The following JAZF1 variants were observed in gnomAD, a reference collection of about 807,000 sequenced individuals.
The protein encoded by JAZF1 is juxtaposed with another zinc finger protein 1.
In JAZF1, 8 loss-of-function variants were observed where a neutral mutation model predicts 26.4. That is an observed-to-expected ratio of 0.30 (90% CI 0.18 to 0.55). The LOEUF (loss-of-function observed/expected upper bound fraction) is 0.55. JAZF1 is among the 20% of genes least tolerant of loss of function. The pLI, the probability that JAZF1 is intolerant of heterozygous loss-of-function variation, is 0.94. For synonymous variants in JAZF1, 126 were observed against 122.3 expected (o/e 1.03, Z -0.20); for missense variants, 199 against 322.0 (o/e 0.62, Z 2.92).
intron 2 of JAZF1, chr7:27,913,293 TTGTG>T (rs886782439): frequency 1.7e-5 from 5 of 292,712 alleles, no homozygotes; most frequent in Middle Eastern, 5.2e-4. Flanking sequence ...ATATATATAT[TTGTG>T]TGTGTGTGTG....
chr7:27,909,762 A>C (rs1283868587), intron 2 of JAZF1, among the ~76,000 whole-genome samples: 1 of 152,110 alleles, frequency 6.6e-6, no homozygotes, highest in Non-Finnish European at 1.5e-5. Context: ...AACCGCCACA[A>C]TGTCAATATT....
At chr7:28,136,840 G>A (rs535849738) in intron 1 of JAZF1, among the ~76,000 whole-genome samples, 2 of 152,214 alleles carry the variant, frequency 1.3e-5, no homozygotes, top group African/African-American at 4.8e-5. Flanking sequence ...TTCCAGGAAG[G>A]CTTCCTGAAG....
chr7:28,033,916 G>GT (rs1001949949), intron 1 of JAZF1, among the ~76,000 whole-genome samples: 39 of 152,058 alleles, frequency 2.6e-4, no homozygotes, highest in Non-Finnish European at 4.7e-4. Context: ...TAATTTTTGT[G>GT]TTTTTTTGTA....
chr7:28,178,773 T>G (rs1464015092), intron 1 of JAZF1, among the ~76,000 whole-genome samples: 3 of 152,240 alleles, frequency 2.0e-5, no homozygotes, highest in Non-Finnish European at 4.4e-5. Context: ...TACCAAAACT[T>G]GCCCAGCTCT....
In JAZF1 at chr7:28,089,339, G is replaced by A. The variant is rs900493767; in HGVS notation, c.115+91124C>T. Among the ~76,000 whole-genome samples the A allele has an allele frequency of 2.6e-5, 4 of 152,190 alleles. No homozygotes were observed. The East Asian group carries it at 7.7e-4, about 29-fold the overall frequency. ...ACCACAGCCATCTGCAAACCAGGAA[G>A]AGGGCCTTACCAGACCCAATTATGC... On this transcript the variant is annotated intron_variant, in intron 1 of 4. Coordinates refer to ENST00000283928, the MANE Select transcript of JAZF1 (RefSeq NM_175061.4).
At chr7:28,153,686 C>T (rs1053803332) in intron 1 of JAZF1, among the ~76,000 whole-genome samples, 3 of 152,160 alleles carry the variant, frequency 2.0e-5, no homozygotes, top group African/African-American at 7.2e-5. Flanking sequence ...TTACCAGTCC[C>T]TCTTCTCTTC....
Position 27,992,319 on chromosome 7 carries a change from GTC to G in JAZF1, c.116-340_116-339del. Reference sequence around the variant, plus strand: ...GTGGTTCATCGGCCTAAGAAAGAAAGTCTCTGTTAATTATGCTCACTTCAATG... The same window carrying G: ...GTGGTTCATCGGCCTAAGAAAGAAAGTCTGTTAATTATGCTCACTTCAATG... On this transcript the variant is annotated intron_variant, in intron 1 of 4. Coordinates refer to ENST00000283928, the MANE Select transcript of JAZF1 (RefSeq NM_175061.4). 4.6e-6 allele frequency: 2 copies of G among 430,374 alleles called. 1 individual carries two copies. Among genetic ancestry groups the G allele is most frequent in the South Asian group, 3.6e-5 (2 of 54,966 alleles). The allele number at this position is 430,374 out of a possible 1,614,324, so 26.7% of individuals were successfully genotyped here. A position where few individuals can be genotyped will look rare whatever the true frequency, so the allele number is the denominator to read the frequency against.
chr7:27,982,092 T>C (rs1478845190), intron 2 of JAZF1, among the ~76,000 whole-genome samples: 2 of 152,388 alleles, frequency 1.3e-5, no homozygotes. Context: ...ACTGAGGTAC[T>C]GGGTTCATCT....
intron 2 of JAZF1, among the ~76,000 whole-genome samples, chr7:27,904,559 G>T (rs1251418748): frequency 6.6e-6 from 1 of 152,144 alleles, no homozygotes; most frequent in Non-Finnish European, 1.5e-5. Context: ...TTCTAGTAAT[G>T]CTTTAAATAA....
At chr7:27,833,084 G>A in intron 4 of JAZF1, 108 bp from the exon 5 acceptor site, 1 of 823,298 alleles carries the variant, frequency 1.2e-6, no homozygotes, top group Non-Finnish European at 1.8e-6. Context: ...CAGCTGTTTA[G>A]AGTGTAGTCT....
chr7:28,079,870 A>G (rs1784108393), intron 1 of JAZF1, among the ~76,000 whole-genome samples: 2 of 152,178 alleles, frequency 1.3e-5, no homozygotes, highest in South Asian at 2.1e-4. Context: ...ATCTAGATGC[A>G]TAACTCAGAG....
At chr7:28,158,802 G>A (rs1039416155) in intron 1 of JAZF1, among the ~76,000 whole-genome samples, 5 of 152,166 alleles carry the variant, frequency 3.3e-5, no homozygotes, top group African/African-American at 7.2e-5. Flanking sequence ...TTGCCATTGA[G>A]AATTCAATCT....
chr7:27,881,357 G>A (rs562687758), intron 3 of JAZF1, among the ~76,000 whole-genome samples: 116 of 152,228 alleles, frequency 7.6e-4, no homozygotes, highest in African/African-American at 2.7e-3. Context: ...GTCAAGTTTT[G>A]TTAGTCTTAA....
intron 1 of JAZF1, among the ~76,000 whole-genome samples, chr7:28,009,360 A>G (rs1257199560): frequency 1.3e-5 from 2 of 152,122 alleles, no homozygotes; most frequent in African/African-American, 4.8e-5. Context: ...AGTATTTTTG[A>G]TGCAACTCAC....
intron 1 of JAZF1, among the ~76,000 whole-genome samples, chr7:28,036,416 G>T (rs1376127296): frequency 6.6e-6 from 1 of 152,158 alleles, no homozygotes; most frequent in Non-Finnish European, 1.5e-5. Flanking sequence ...TTAATAACCT[G>T]AAGTTGTTTT....
chr7:28,021,803 A>T (rs957849325), intron 1 of JAZF1, among the ~76,000 whole-genome samples: 2 of 152,194 alleles, frequency 1.3e-5, no homozygotes, highest in African/African-American at 4.8e-5. Flanking sequence ...AAGGGCCCAC[A>T]GTTCGTCACC....
chr7:28,179,792 G>A (rs1783608296), intron 1 of JAZF1, among the ~76,000 whole-genome samples: 2 of 132,646 alleles, frequency 1.5e-5, no homozygotes, highest in South Asian at 5.5e-4. Flanking sequence ...GCCCCCGCCC[G>A]CGGCCGCCGG....
intron 1 of JAZF1, among the ~76,000 whole-genome samples, chr7:27,996,287 G>A (rs995277767): frequency 6.6e-6 from 1 of 152,178 alleles, no homozygotes; most frequent in Non-Finnish European, 1.5e-5. Context: ...GCCTCTAAGG[G>A]CAATGTGCTA....
chr7:28,076,031 C>G (rs1372819590), intron 1 of JAZF1, among the ~76,000 whole-genome samples: 21 of 152,182 alleles, frequency 1.4e-4, no homozygotes, highest in Admixed American at 1.4e-3. Context: ...AGCTGACAAG[C>G]TTAAAAGTGC....
Sources: allele counts gnomAD v4.1 joint callset (sites outside exome capture counted in the v4.1 genomes callset), GRCh38; gene constraint gnomAD v4.1.1; transcripts MANE v1.5; gene names NCBI Gene and HGNC (gene_info 2026-07-23, HGNC 2026-07-21).